TNIK: variants seen among roughly 807,000 people sequenced by gnomAD.
TNIK encodes TRAF2 and NCK-interacting protein kinase.
A neutral mutation model predicts 191.3 loss-of-function variants in TNIK; 49 were observed. The observed-to-expected ratio is 0.26, with a 90% CI of 0.20 to 0.32. The LOEUF (loss-of-function observed/expected upper bound fraction) is 0.32. Ranked by LOEUF, TNIK falls within the 10% of genes least tolerant of loss-of-function variation. The pLI, the probability that TNIK is intolerant of heterozygous loss-of-function variation, is 1.00. For missense variants in TNIK, 1,155 were observed against 1,702.3 expected (o/e 0.68, Z 5.66); for synonymous variants, 594 against 600.9 (o/e 0.99, Z 0.17).
At chr3:171,078,654 T>A (rs1343028656) in intron 28 of TNIK, among the ~76,000 whole-genome samples, 1 of 152,230 alleles carries the variant, frequency 6.6e-6, no homozygotes, top group African/African-American at 2.4e-5. Context: ...GTTTCCTTCA[T>A]ATTTGTGAAT....
intron 2 of TNIK, among the ~76,000 whole-genome samples, chr3:171,309,437 A>T (rs1753789781): frequency 6.6e-6 from 1 of 152,122 alleles, no homozygotes; most frequent in Admixed American, 6.6e-5. Context: ...GGATCAAACA[A>T]CTATCTATCA....
chr3:171,136,442 T>A (rs13087431), intron 15 of TNIK, among the ~76,000 whole-genome samples: 1 of 152,048 alleles, frequency 6.6e-6, no homozygotes, highest in Non-Finnish European at 1.5e-5. Context: ...AACTCTCGAG[T>A]TGGGCTACAT....
chr3:171,282,361 G>A (rs1398246577), intron 2 of TNIK, among the ~76,000 whole-genome samples: 2 of 90,852 alleles, frequency 2.2e-5, no homozygotes, highest in African/African-American at 8.8e-5. Flanking sequence ...TTTTTTTTGA[G>A]ATGGAGTTTC....
In TNIK at chr3:171,063,484, G is replaced by A. The variant is rs564724272; in HGVS notation, c.*397C>T. 188 of 157,110 alleles carry A rather than the reference G, an allele frequency of 1.2e-3. No homozygotes were observed. The highest frequency in any genetic ancestry group is 1.8e-3 in the Non-Finnish European group (131 of 71,500). 9.7% of individuals were successfully genotyped at this position (157,110 alleles called of 1,614,324 possible). On this transcript the variant is annotated 3_prime_UTR_variant, in exon 33 of 33. Transcript: ENST00000436636. ...GACAGAATTTAAAAGACTCATTTTC[G>A]CAGTATGCATTCTTTCCCCATTCTT...
chr3:171,438,900 T>C (rs1251406273), intron 1 of TNIK, among the ~76,000 whole-genome samples: 2 of 152,126 alleles, frequency 1.3e-5, no homozygotes, highest in Non-Finnish European at 2.9e-5. Flanking sequence ...CAAGCACATT[T>C]CTAATCAAAG....
intron 1 of TNIK, among the ~76,000 whole-genome samples, chr3:171,420,765 G>A (rs1007379787): frequency 2.0e-5 from 3 of 152,140 alleles, no homozygotes; most frequent in African/African-American, 7.2e-5. Context: ...TTACTCGAAC[G>A]CAAGCACTGC....
At chr3:171,214,232 C>T (rs951908684) in intron 3 of TNIK, among the ~76,000 whole-genome samples, 3 of 151,626 alleles carry the variant, frequency 2.0e-5, no homozygotes. Flanking sequence ...CTAGATGAGA[C>T]AAGAACTCAT....
intron 1 of TNIK, among the ~76,000 whole-genome samples, chr3:171,400,667 T>C (rs1041121102): frequency 6.6e-6 from 1 of 152,186 alleles, no homozygotes; most frequent in Non-Finnish European, 1.5e-5. Flanking sequence ...TCCTCCTTTT[T>C]GTAAATACAG....
chr3:171,338,921 T>C (rs962430652), intron 2 of TNIK, among the ~76,000 whole-genome samples: 2 of 152,210 alleles, frequency 1.3e-5, no homozygotes, highest in Admixed American at 6.5e-5. Context: ...AGCTAACGTT[T>C]GAATCTAGGA....
chr3:171,214,738 A>T (rs1164319974), intron 3 of TNIK, among the ~76,000 whole-genome samples: 1 of 152,194 alleles, frequency 6.6e-6, no homozygotes, highest in Non-Finnish European at 1.5e-5. Flanking sequence ...ATCCAGTCAT[A>T]TTCATTATGT....
intron 12 of TNIK, 24 bp from the exon 13 acceptor site, chr3:171,140,533 C>T: frequency 6.2e-7 from 1 of 1,611,440 alleles, no homozygotes; most frequent in Non-Finnish European, 8.5e-7. Flanking sequence ...AGCAGACAAC[C>T]ATGAAGGCAA....
At chr3:171,281,088 C>T (rs2109253280) in intron 2 of TNIK, among the ~76,000 whole-genome samples, 1 of 152,084 alleles carries the variant, frequency 6.6e-6, no homozygotes, top group East Asian at 1.9e-4. Context: ...TAGATTTTAT[C>T]TATTAGTAGG....
At chr3:171,396,760 A>G (rs1268936979) in intron 1 of TNIK, among the ~76,000 whole-genome samples, 1 of 152,178 alleles carries the variant, frequency 6.6e-6, no homozygotes, top group African/African-American at 2.4e-5. Flanking sequence ...AGTAGAAACA[A>G]GGCTCTTCCA....
In TNIK at chr3:171,233,899, G is replaced by A. The variant is rs1036707082; in HGVS notation, c.124-5678C>T. Among the ~76,000 whole-genome samples, 4 of 152,156 alleles carry A rather than the reference G, an allele frequency of 2.6e-5. No individual in the cohort carries two copies. The South Asian group carries it at 8.3e-4, about 32-fold the overall frequency. ...CCACAGAGTGTATGGGACCAGATAG[G>A]GTGGGGTTGTAAGCAGGAATTATAA... On this transcript the variant is annotated intron_variant, in intron 2 of 32. Transcript: ENST00000436636.
At chr3:171,194,101 C>T (rs924339617) in intron 5 of TNIK, among the ~76,000 whole-genome samples, 1 of 152,128 alleles carries the variant, frequency 6.6e-6, no homozygotes, top group African/African-American at 2.4e-5. Flanking sequence ...GAAGGTATTA[C>T]ACCATTAGGG....
chr3:171,334,324 ACT>A (rs1282372981), intron 2 of TNIK, among the ~76,000 whole-genome samples: 2 of 152,172 alleles, frequency 1.3e-5, no homozygotes, highest in Non-Finnish European at 2.9e-5. Context: ...GACCGTAGAA[ACT>A]GGAAGGCGCC....
chr3:171,105,735 AGAGCCTTTTCCT>A (rs1724719325), intron 21 of TNIK, among the ~76,000 whole-genome samples: 1 of 152,182 alleles, frequency 6.6e-6, no homozygotes, highest in Non-Finnish European at 1.5e-5. Flanking sequence ...GAAATCTGTG[AGAGCCTTTTCCT>A]TAATGACGGC....
intron 5 of TNIK, among the ~76,000 whole-genome samples, chr3:171,192,283 G>C (rs1318011493): frequency 2.0e-5 from 3 of 152,146 alleles, no homozygotes; most frequent in Non-Finnish European, 4.4e-5. Context: ...CCTTAAGAGA[G>C]GGACTGAAGA....
At chr3:171,084,945 AT>A (rs2108378293) in intron 25 of TNIK, among the ~76,000 whole-genome samples, 172 bp downstream of exon 25, 1 of 152,344 alleles carries the variant, frequency 6.6e-6, no homozygotes, top group Admixed American at 6.5e-5. Context: ...ATGGAAAGTA[AT>A]ACATTTGTTT....
Sources: gnomAD v4.1 joint callset for allele counts (sites outside exome capture counted in the v4.1 genomes callset) on GRCh38, gnomAD v4.1.1 for gene constraint, MANE v1.5 for transcripts, NCBI Gene and HGNC (gene_info 2026-07-23, HGNC 2026-07-21) for gene names.